The following DIS3L2 variants were observed in gnomAD, a reference collection of about 807,000 sequenced individuals.
DIS3L2 encodes DIS3 like 3'-5' exoribonuclease 2, also known as DIS3-like exonuclease 2.
Under a neutral mutation model 97.5 loss-of-function variants are expected in DIS3L2, and 34 were observed. The observed-to-expected ratio is 0.35, with a 90% CI of 0.27 to 0.46. The LOEUF is 0.46. Among genes scored for constraint, DIS3L2 ranks in the 20% least tolerant of loss-of-function variants. The pLI is 1.00. For missense variants in DIS3L2, 1,038 were observed against 1,146.0 expected (o/e 0.91, Z 1.36); for synonymous variants, 435 against 445.2 (o/e 0.98, Z 0.29).
chr2:232,053,800 G>C lies in DIS3L2; in HGVS notation c.366+23720G>C, dbSNP rs528829341. 2.6e-5 allele frequency among the ~76,000 whole-genome samples: 4 copies of C among 152,282 alleles called. No individual in the cohort carries two copies. The East Asian group carries it at 7.7e-4, about 29-fold the overall frequency. ...TCCTCCACCCTACCAGCACCTCTCT[G>C]TGTTTACCAACCCTGAAGCTTTCTG... is the stretch of plus-strand genomic sequence containing the variant. On this transcript the variant is annotated intron_variant, in intron 5 of 20. Transcript: ENST00000325385.
chr2:232,199,294 G>C (rs1691833087), intron 9 of DIS3L2, among the ~76,000 whole-genome samples: 1 of 152,142 alleles, frequency 6.6e-6, no homozygotes, highest in Admixed American at 6.5e-5. Flanking sequence ...AGAGCTGTAT[G>C]GTATCAGAGG....
At chr2:232,338,254 C>A (rs536183978), downstream of DIS3L2, among the ~76,000 whole-genome samples, 11 of 152,148 alleles carry the variant, frequency 7.2e-5, no homozygotes, top group African/African-American at 2.7e-4. Flanking sequence ...ACCCTGTCCC[C>A]CAGGGCCTCC....
intron 12 of DIS3L2, among the ~76,000 whole-genome samples, chr2:232,255,230 C>T (rs151157874): frequency 1.8e-4 from 28 of 152,294 alleles, no homozygotes; most frequent in African/African-American, 6.0e-4. Flanking sequence ...GGAGGATCTC[C>T]GAAGCCTGTG....
At position 232,210,073 on chromosome 2, in the gene DIS3L2, C is replaced by T. The variant is rs56128415; in HGVS notation, c.1125-253C>T. Among the ~76,000 whole-genome samples, 1,819 of 152,272 alleles carry T rather than the reference C, an allele frequency of 0.012. 17 individuals are homozygous for T. The highest frequency in any genetic ancestry group is 0.018 in the Non-Finnish European group (1,195 of 68,016). Reference sequence around the variant, plus strand: ...TTCATGGAAGCAGCCTGATTTTCACCCACTCACATCTCTTCTGGCTTGGGG... The same window carrying T: ...TTCATGGAAGCAGCCTGATTTTCACTCACTCACATCTCTTCTGGCTTGGGG... On this transcript the variant is annotated intron_variant, in intron 9 of 20. Coordinates refer to ENST00000325385, the MANE Select transcript of DIS3L2 (RefSeq NM_152383.5).
intron 1 of DIS3L2, among the ~76,000 whole-genome samples, chr2:231,991,413 C>T (rs1387955669): frequency 1.3e-5 from 2 of 152,032 alleles, no homozygotes; most frequent in African/African-American, 4.8e-5. Flanking sequence ...GCTGGGACTA[C>T]AGCATGTGCC....
intron 5 of DIS3L2, among the ~76,000 whole-genome samples, chr2:232,072,638 A>C (rs1696055422): frequency 6.6e-6 from 1 of 152,090 alleles, no homozygotes; most frequent in South Asian, 2.1e-4. Context: ...TTATGTTGGG[A>C]ATAGACTGAA....
chr2:232,194,785 A>T (rs1406368204), intron 9 of DIS3L2, among the ~76,000 whole-genome samples: 1 of 151,958 alleles, frequency 6.6e-6, no homozygotes, highest in Non-Finnish European at 1.5e-5. Flanking sequence ...TGAGGTAGAG[A>T]GTGTGTGCTG....
At chr2:232,341,027 A>G, downstream of DIS3L2, 1 of 443,810 alleles carries the variant, frequency 2.3e-6, no homozygotes, top group East Asian at 7.0e-5. Context: ...AAAAGTTCCT[A>G]GAGAGCAAAA....
chr2:232,206,251 C>T (rs1167515738), intron 9 of DIS3L2, among the ~76,000 whole-genome samples: 1 of 152,188 alleles, frequency 6.6e-6, no homozygotes, highest in African/African-American at 2.4e-5. Flanking sequence ...GAAATCAGCC[C>T]AGTATTTCCC....
chr2:232,199,393 T>C (rs2106205102), intron 9 of DIS3L2, among the ~76,000 whole-genome samples: 1 of 152,316 alleles, frequency 6.6e-6, no homozygotes, highest in South Asian at 2.1e-4. Context: ...AGGTGATTCC[T>C]AACAGGTAGA....
chr2:232,266,570 G>A (rs191648043), intron 13 of DIS3L2, among the ~76,000 whole-genome samples: 2 of 152,170 alleles, frequency 1.3e-5, no homozygotes, highest in African/African-American at 2.4e-5. Context: ...CCCAGCTTTG[G>A]AAGGAGGAGC....
At chr2:232,099,763 G>A (rs1406255642) in intron 6 of DIS3L2, among the ~76,000 whole-genome samples, 1 of 152,052 alleles carries the variant, frequency 6.6e-6, no homozygotes, top group Non-Finnish European at 1.5e-5. Context: ...ATACTAATTG[G>A]TCTGTTCAGA....
intron 6 of DIS3L2, among the ~76,000 whole-genome samples, chr2:232,093,530 G>T (rs1696909147): frequency 6.6e-6 from 1 of 151,950 alleles, no homozygotes; most frequent in Non-Finnish European, 1.5e-5. Context: ...AGTTTTCTTT[G>T]TAGGAAGACT....
intron 14 of DIS3L2, among the ~76,000 whole-genome samples, chr2:232,326,857 G>A (rs1301379589): frequency 6.6e-6 from 1 of 152,152 alleles, no homozygotes; most frequent in African/African-American, 2.4e-5. Flanking sequence ...CACGTTCAAG[G>A]TCACCAAGAG....
chr2:232,122,696 C>T (rs1205594299), intron 6 of DIS3L2, among the ~76,000 whole-genome samples: 1 of 151,910 alleles, frequency 6.6e-6, no homozygotes, highest in Non-Finnish European at 1.5e-5. Flanking sequence ...CCAGCCTGGT[C>T]GACAGAGCAA....
At chr2:232,116,170 TTAAATAAATAAATGAATAAATAAATAAA>T (rs1476679195) in intron 6 of DIS3L2, among the ~76,000 whole-genome samples, 12 of 111,976 alleles carry the variant, frequency 1.1e-4, no homozygotes, top group Admixed American at 2.0e-4. Context: ...AGACTTGGTC[TTAAATAAATAAATGAATAAATAAATAAA>T]TAAATAAATA....
At chr2:232,245,349 A>G (rs1693220114) in intron 11 of DIS3L2, among the ~76,000 whole-genome samples, 1 of 152,212 alleles carries the variant, frequency 6.6e-6, no homozygotes, top group African/African-American at 2.4e-5. Flanking sequence ...GCAGCTGATC[A>G]GAAGGGGCTG....
intron 1 of DIS3L2, among the ~76,000 whole-genome samples, chr2:231,981,278 A>G (rs1366145078): frequency 3.3e-5 from 5 of 152,056 alleles, no homozygotes; most frequent in African/African-American, 1.2e-4. Context: ...TTTAAAATTC[A>G]AATTAGATTT....
chr2:232,258,655 GT>G (rs1369747032), intron 12 of DIS3L2, among the ~76,000 whole-genome samples: 5 of 150,044 alleles, frequency 3.3e-5, no homozygotes, highest in African/African-American at 9.7e-5. Context: ...TTTATGAAGT[GT>G]TTTGTTTCTG....
Sources: gnomAD v4.1 joint callset for allele counts (sites outside exome capture counted in the v4.1 genomes callset) on GRCh38, gnomAD v4.1.1 for gene constraint, MANE v1.5 for transcripts, NCBI Gene and HGNC (gene_info 2026-07-23, HGNC 2026-07-21) for gene names.